The following DCLK1 variants were observed in gnomAD, a reference collection of about 807,000 sequenced individuals.
DCLK1 encodes the protein serine/threonine-protein kinase DCLK1.
DCLK1 carries 16 observed loss-of-function variants against 86.2 expected under a neutral mutation model. That is an observed-to-expected ratio of 0.19 (90% CI 0.13 to 0.28). The LOEUF (loss-of-function observed/expected upper bound fraction) is 0.28, where lower values mean the gene tolerates loss of function less well. DCLK1 is among the 10% of genes least tolerant of loss of function. The pLI is 1.00. For missense variants in DCLK1, 590 were observed against 940.2 expected (o/e 0.63, Z 4.87); for synonymous variants, 369 against 370.5 (o/e 1.00, Z 0.05).
intron 3 of DCLK1, among the ~76,000 whole-genome samples, chr13:36,094,011 C>T (rs115418013): frequency 0.011 from 1,667 of 152,260 alleles, 36 homozygotes; most frequent in African/African-American, 0.038. Context: ...GCCTCATCCT[C>T]CTTAGTAGAT....
intron 6 of DCLK1, chr13:35,849,149 G>GT: frequency 1.0e-6 from 1 of 985,246 alleles, no homozygotes; most frequent in Non-Finnish European, 1.2e-6. Context: ...TTGCCTGGAC[G>GT]TTTTTTCTTC....
At chr13:35,923,799 C>T (rs1875945126) in intron 4 of DCLK1, among the ~76,000 whole-genome samples, 1 of 152,044 alleles carries the variant, frequency 6.6e-6, no homozygotes, top group South Asian at 2.1e-4. Flanking sequence ...GAAGAATGCC[C>T]TTGAAGGACA....
chr13:36,025,837 CG>C, intron 3 of DCLK1, among the ~76,000 whole-genome samples: 1 of 152,116 alleles, frequency 6.6e-6, no homozygotes, highest in East Asian at 1.9e-4. Flanking sequence ...AAAATTTAGA[CG>C]TGATTTAATC....
chr13:36,117,442 T>G lies in DCLK1; in HGVS notation c.377-5227A>C, dbSNP rs532419492. On this transcript the variant is annotated intron_variant, in intron 2 of 16. Transcript: ENST00000360631. ...TAATCAAAATAAAGTGGTATTGAGGTTGCAGCAACAAAATAATACAAGGTG... is the reference window on the plus strand; with the variant it reads ...TAATCAAAATAAAGTGGTATTGAGGGTGCAGCAACAAAATAATACAAGGTG... Among the ~76,000 whole-genome samples, 3 of 152,088 alleles carry G rather than the reference T, an allele frequency of 2.0e-5. No individual in the cohort carries two copies. In the South Asian group the frequency reaches 6.2e-4, roughly 32 times the overall value.
At chr13:35,816,464 C>A (rs1032654415) in intron 11 of DCLK1, among the ~76,000 whole-genome samples, 1 of 152,122 alleles carries the variant, frequency 6.6e-6, no homozygotes, top group Admixed American at 6.6e-5. Context: ...TATTAGTAAT[C>A]CCAACAGTTA....
chr13:35,958,148 C>CATTATA (rs1566620680), intron 3 of DCLK1, among the ~76,000 whole-genome samples: 1 of 150,740 alleles, frequency 6.6e-6, no homozygotes, highest in Non-Finnish European at 1.5e-5. Flanking sequence ...CCACCACCAC[C>CATTATA]ACCACTATAA....
chr13:36,057,148 A>T (rs1034329983), intron 3 of DCLK1, among the ~76,000 whole-genome samples: 6 of 152,236 alleles, frequency 3.9e-5, no homozygotes, highest in African/African-American at 7.2e-5. Flanking sequence ...GCATTTGATG[A>T]TGATGATGAT....
At chr13:35,795,881 C>T (rs1313103288) in intron 15 of DCLK1, among the ~76,000 whole-genome samples, 4 of 144,942 alleles carry the variant, frequency 2.8e-5, no homozygotes, top group African/African-American at 7.8e-5. Flanking sequence ...GCTGAGACTG[C>T]GCCATTGCAC....
At chr13:35,796,976 T>C (rs771452154) in intron 15 of DCLK1, among the ~76,000 whole-genome samples, 21 of 152,152 alleles carry the variant, frequency 1.4e-4, no homozygotes, top group Non-Finnish European at 2.4e-4. Flanking sequence ...AGGGACCCAG[T>C]GGAACACAGT....
At chr13:35,829,996 T>C (rs1868819556) in intron 8 of DCLK1, among the ~76,000 whole-genome samples, 1 of 152,170 alleles carries the variant, frequency 6.6e-6, no homozygotes, top group South Asian at 2.1e-4. Context: ...GGGCTTGGTG[T>C]GCTAGATGTT....
chr13:35,978,214 T>C lies in DCLK1; in HGVS notation c.724-30757A>G, dbSNP rs1340435961. 1.7e-4 allele frequency among the ~76,000 whole-genome samples: 24 copies of C among 143,186 alleles called. No individual in the cohort carries two copies. The South Asian group carries it at 4.9e-3, about 29-fold the overall frequency. 93.9% of individuals were successfully genotyped at this position (143,186 alleles called of 152,430 possible). A position where few individuals can be genotyped will look rare whatever the true frequency, so the allele number is the denominator to read the frequency against. The stretch of plus-strand genomic sequence containing the variant: ...TTTTCTTTTCTTTTCTTTTTTTTTT[T>C]TTTTTTTTTTTTGACGGAGTCTCAC... On this transcript the variant is annotated intron_variant, in intron 3 of 16. Coordinates refer to ENST00000360631, the MANE Select transcript of DCLK1 (RefSeq NM_001330071.2).
At chr13:35,917,003 C>T (rs1484083341) in intron 4 of DCLK1, among the ~76,000 whole-genome samples, 1 of 152,184 alleles carries the variant, frequency 6.6e-6, no homozygotes, top group Non-Finnish European at 1.5e-5. Context: ...AAAATAGCAT[C>T]ATTATCGCTG....
intron 3 of DCLK1, among the ~76,000 whole-genome samples, chr13:35,967,830 TA>T (rs912061833): frequency 1.3e-5 from 2 of 150,852 alleles, no homozygotes; most frequent in African/African-American, 2.4e-5. Flanking sequence ...CAATAAATAC[TA>T]AAAAAAATTT....
intron 1 of DCLK1, among the ~76,000 whole-genome samples, chr13:36,129,450 T>C (rs73165337): frequency 0.13 from 20,184 of 152,258 alleles, 1,652 homozygotes; most frequent in Middle Eastern, 0.2. Flanking sequence ...GGCAATGGTG[T>C]CGACAAAAGA....
At chr13:35,967,688 C>A (rs572026541) in intron 3 of DCLK1, among the ~76,000 whole-genome samples, 1 of 152,074 alleles carries the variant, frequency 6.6e-6, no homozygotes, top group Admixed American at 6.5e-5. Context: ...ACAAACACTG[C>A]GGAAGGCGGC....
At chr13:36,013,204 G>A (rs199763844) in intron 3 of DCLK1, among the ~76,000 whole-genome samples, 33,187 of 150,122 alleles carry the variant, frequency 0.22, 3,833 homozygotes, top group Non-Finnish European at 0.29. Context: ...TAATTTGATC[G>A]TCTGAAGCCT....
intron 5 of DCLK1, chr13:35,855,528 T>C (rs1410893495): frequency 1.2e-6 from 2 of 1,607,428 alleles, no homozygotes; most frequent in African/African-American, 1.3e-5. Flanking sequence ...AGTTCTAACA[T>C]GGACACAGTC....
chr13:36,077,056 G>C (rs914537225), intron 3 of DCLK1, among the ~76,000 whole-genome samples: 2 of 152,086 alleles, frequency 1.3e-5, no homozygotes, highest in African/African-American at 2.4e-5. Context: ...TAGAAGAATA[G>C]AGAAAGCTGT....
At chr13:35,881,783 AGC>A (rs1411537044) in intron 4 of DCLK1, among the ~76,000 whole-genome samples, 1 of 152,196 alleles carries the variant, frequency 6.6e-6, no homozygotes, top group Non-Finnish European at 1.5e-5. Context: ...AAAACAAAGC[AGC>A]TAACTTCAGT....
Sources: gnomAD v4.1 joint callset for allele counts (sites outside exome capture counted in the v4.1 genomes callset) on GRCh38, gnomAD v4.1.1 for gene constraint, MANE v1.5 for transcripts, NCBI Gene and HGNC (gene_info 2026-07-23, HGNC 2026-07-21) for gene names.